The following TCFL5 variants were observed in gnomAD, a reference collection of about 807,000 sequenced individuals.
TCFL5 encodes transcription factor like 5.
Under a neutral mutation model 44.3 loss-of-function variants are expected in TCFL5, and 9 were observed. The observed-to-expected ratio is 0.20, with a 90% CI of 0.12 to 0.35. The LOEUF (loss-of-function observed/expected upper bound fraction) is 0.35. Ranked by LOEUF, TCFL5 falls within the 10% of genes least tolerant of loss-of-function variation. The pLI, the probability that TCFL5 is intolerant of heterozygous loss-of-function variation, is 1.00. For synonymous variants in TCFL5, 319 were observed against 271.6 expected (o/e 1.17, Z -1.72); for missense variants, 603 against 613.4 (o/e 0.98, Z 0.18).
intron 4 of TCFL5, among the ~76,000 whole-genome samples, chr20:62,856,171 A>AC (rs1452691024): frequency 6.8e-6 from 1 of 148,136 alleles, no homozygotes; most frequent in African/African-American, 2.5e-5. Context: ...ACTCGCTTGA[A>AC]CCTGGGAGGC....
intron 5 of TCFL5, among the ~76,000 whole-genome samples, chr20:62,844,579 T>TTG: frequency 8.0e-6 from 1 of 125,042 alleles, no homozygotes; most frequent in African/African-American, 4.0e-5. Flanking sequence ...TTGTTTGTTT[T>TTG]TTGTTTTTTT....
Position 62,841,586 on chromosome 20 carries a change from T to A in TCFL5, c.*389A>T, listed in dbSNP as rs12625609. On this transcript the variant is annotated 3_prime_UTR_variant, in exon 6 of 6. Transcript: ENST00000335351. ...ACTTGTTCCAATTGCTAAAGGGGCA[T>A]ATTTAAAAGGTAAATAAGTAAAAAG... The A allele has an allele frequency of 0.11, 17,871 of 158,368 alleles. 1,233 individuals carry two copies. Among genetic ancestry groups the A allele is most frequent in the African/African-American group, 0.2 (8,134 of 41,588 alleles). 9.8% of individuals were successfully genotyped at this position (158,368 alleles called of 1,614,324 possible). A position where few individuals can be genotyped will look rare whatever the true frequency, so the allele number is the denominator to read the frequency against.
intron 3 of TCFL5, among the ~76,000 whole-genome samples, chr20:62,857,949 C>G (rs2063920388): frequency 6.7e-6 from 1 of 149,712 alleles, no homozygotes; most frequent in Admixed American, 6.7e-5. Context: ...TCTATGAATA[C>G]AGAAAACAAG....
At position 62,842,711 on chromosome 20, in the gene TCFL5, C is replaced by T. The variant is rs1243346383; in HGVS notation, c.1381-614G>A. On this transcript the variant is annotated intron_variant, in intron 5 of 5. Transcript: ENST00000335351. The surrounding 1 kb of genome is among the most constrained non-coding windows in gnomAD (Gnocchi z 4.3). ...CTGGGAGGTGGAGGTTGCAGTGAGC[C>T]GAGATCATGCCATTGCACTCCAGTC... 2.0e-5 allele frequency among the ~76,000 whole-genome samples: 3 copies of T among 152,112 alleles called. No individual in the cohort carries two copies. Among genetic ancestry groups the T allele is most frequent in the African/African-American group, 4.8e-5 (2 of 41,428 alleles).
Position 62,842,140 on chromosome 20 carries a change from A to G in TCFL5, c.1381-43T>C, listed in dbSNP as rs775858614. On this transcript the variant is annotated intron_variant, in intron 5 of 5. Coordinates refer to ENST00000335351, the MANE Select transcript of TCFL5 (RefSeq NM_006602.4). The surrounding 1 kb of genome is among the most constrained non-coding windows in gnomAD (Gnocchi z 4.3). ...CGGTTAACATACTGAATTAACTGAC[A>G]TGAAAACTGCTGTCTTCCAAAGTGC... 1.4e-5 allele frequency: 23 copies of G among 1,611,210 alleles called. No homozygotes were observed. In the Admixed American group the frequency reaches 2.5e-4, roughly 18 times the overall value.
At chr20:62,857,684 C>T in intron 3 of TCFL5, 46 bp from the exon 4 acceptor site, 1 of 1,594,782 alleles carries the variant, frequency 6.3e-7, no homozygotes, top group Non-Finnish European at 8.5e-7. Context: ...GTATTCTTAT[C>T]TCAATTAATG....
chr20:62,843,427 C>T (rs555505835), intron 5 of TCFL5, among the ~76,000 whole-genome samples: 48 of 151,904 alleles, frequency 3.2e-4, no homozygotes, highest in Non-Finnish European at 5.2e-4. Context: ...TAAAATAATT[C>T]AGCGGGGGTG....
chr20:62,858,067 TAAGAAC>T (rs2063922648), intron 3 of TCFL5, among the ~76,000 whole-genome samples: 1 of 152,130 alleles, frequency 6.6e-6, no homozygotes, highest in Non-Finnish European at 1.5e-5. Context: ...ACAATTATTC[TAAGAAC>T]AAGAAAAAAA....
chr20:62,845,583 G>A (rs1351512022), intron 5 of TCFL5: 2 of 1,532,288 alleles, frequency 1.3e-6, no homozygotes, highest in Non-Finnish European at 1.8e-6. Context: ...GTCAGAGCCT[G>A]GGCCGGCTCC....
At position 62,841,551 on chromosome 20, in the gene TCFL5, TAAC is replaced by T. The variant is rs1276300102; in HGVS notation, c.*421_*423del. ...ATAAAATTTCCAAACTGTTTTTAGT[TAAC>T]AATTTAACTTGTTCCAATTGCTAAA... On this transcript the variant is annotated 3_prime_UTR_variant, in exon 6 of 6. Transcript: ENST00000335351. 1 of 155,618 alleles carries T rather than the reference TAAC, an allele frequency of 6.4e-6. No homozygotes were observed. Among genetic ancestry groups the T allele is most frequent in the Non-Finnish European group, 1.4e-5 (1 of 70,304 alleles). 9.6% of individuals were successfully genotyped at this position (155,618 alleles called of 1,614,324 possible). A position where few individuals can be genotyped will look rare whatever the true frequency, so the allele number is the denominator to read the frequency against.
rs1043309631 is a variant in TCFL5, at chr20:62,857,739, T to G, written c.995-101A>C. 8 of 1,406,450 alleles carry G rather than the reference T, an allele frequency of 5.7e-6. No homozygotes were observed. In the African/African-American group the frequency reaches 1.1e-4, roughly 20 times the overall value. The allele number at this position is 1,406,450 out of a possible 1,614,324, so 87.1% of individuals were successfully genotyped here. On this transcript the variant is annotated intron_variant, in intron 3 of 5. Transcript: ENST00000335351. ...TTTCAATCCAAGATATAAACATTATTGGGTAAGCAGCACAGAGAACCGAAA... is the reference window on the plus strand; with the variant it reads ...TTTCAATCCAAGATATAAACATTATGGGGTAAGCAGCACAGAGAACCGAAA...
chr20:62,857,627 A>G lies in TCFL5; in HGVS notation c.1006T>C (p.Cys336Arg). 6.2e-7 allele frequency: 1 copy of G among 1,613,918 alleles called. No homozygotes were observed. Among genetic ancestry groups the G allele is most frequent in the Non-Finnish European group, 8.5e-7 (1 of 1,179,824 alleles). Reference protein sequence around the residue: ...VWIKVGEAALCKQALKRNRSR... With the variant: ...VWIKVGEAALRKQALKRNRSR... ...CGATTCCTCTTCAGTGCTTGTTTGC[A>G]TAGCGCTGCTTCTTTGCGAAAGAAG... The change falls in exon 4 of 6, where the codon TGC becomes CGC. Residue 336 changes from cysteine (C) to arginine (R), a missense_variant. Cys to Arg is a radical substitution (Grantham distance 180, BLOSUM62 -3). Around this residue, in one of 4 missense-constraint regions of TCFL5, gnomAD observed 540 missense variants for 478.7 expected, o/e 1.13. Coordinates refer to ENST00000335351, the MANE Select transcript of TCFL5 (RefSeq NM_006602.4).
rs970516502 is a variant in TCFL5, at chr20:62,861,655, G to C, written c.16C>G (p.Pro6Ala). ...CCTGCCTCCGGCGGCGGCTCCCGCG[G>C]TCCGGGGCCCGACATGGCGGCGCGG... is the stretch of plus-strand genomic sequence containing the variant. MSGPG[P>A]REPPPEAGAA... Residue 6 changes from proline to alanine, a missense_variant, in exon 1 of 6, where the codon CCG becomes GCG. This residue lies in a region of TCFL5 where 540 missense variants were observed against 478.7 expected (regional missense o/e 1.13). Transcript: ENST00000335351. The surrounding 1 kb of genome is among the most constrained non-coding windows in gnomAD (Gnocchi z 4.0). 1 of 902,550 alleles carries C rather than the reference G, an allele frequency of 1.1e-6. No homozygotes were observed. The highest frequency in any genetic ancestry group is 1.3e-6 in the Non-Finnish European group (1 of 755,908). The allele number at this position is 902,550 out of a possible 1,614,324, so 55.9% of individuals were successfully genotyped here.
intron 1 of TCFL5, among the ~76,000 whole-genome samples, chr20:62,860,805 G>A (rs530454806): frequency 6.6e-6 from 1 of 152,248 alleles, no homozygotes; most frequent in African/African-American, 2.4e-5. Flanking sequence ...CACTGAGGGA[G>A]GGGGTGTTTA....
Position 62,861,598 on chromosome 20 carries a change from C to A in TCFL5, c.73G>T (p.Ala25Ser). Residue 25 changes from alanine (A) to serine (S), a missense_variant, in exon 1 of 6, where the codon GCG (alanine) becomes TCG (serine). Transcript: ENST00000335351. This position sits in a 1 kb window ranked among gnomAD's most constrained non-coding sequence, Gnocchi z 4.0. ...AAGGEAAVEG[A>S]GGGDAALGEP... ...CCCAGCGCCGCGTCCCCGCCGCCCG[C>A]GCCCTCGACGGCCGCCTCGCCGCCT... 9.6e-7 allele frequency: 1 copy of A among 1,036,824 alleles called. No homozygotes were observed. The highest frequency in any genetic ancestry group is 1.2e-6 in the Non-Finnish European group (1 of 863,658). 64.2% of individuals were successfully genotyped at this position (1,036,824 alleles called of 1,614,324 possible). A position where few individuals can be genotyped will look rare whatever the true frequency, so the allele number is the denominator to read the frequency against.
rs529171711 is a variant in TCFL5, at chr20:62,843,364, GCCT to G, written c.1381-1270_1381-1268del. 1.2e-3 allele frequency among the ~76,000 whole-genome samples: 183 copies of G among 152,138 alleles called. 1 individual carries two copies. Among genetic ancestry groups the G allele is most frequent in the African/African-American group, 4.2e-3 (173 of 41,498 alleles). On this transcript the variant is annotated intron_variant, in intron 5 of 5. Transcript: ENST00000335351. ...ATAATGCGGTTGTGTTTTTAAACAG[GCCT>G]TTTCTTTCGGAAGATATATTTATGA...
intron 5 of TCFL5, among the ~76,000 whole-genome samples, chr20:62,849,761 C>G (rs961747053): frequency 2.0e-5 from 3 of 152,070 alleles, no homozygotes; most frequent in Non-Finnish European, 4.4e-5. Flanking sequence ...AAGTATGAGA[C>G]CAGCCTGTGA....
Position 62,861,698 on chromosome 20 carries a change from G to A in TCFL5, c.-28C>T. ...CGGCGCGGCGCGGCCCAACGGCGGCGAGGGCGACGCGGGCGGCGGGCGGCG... is the reference window on the plus strand; with the variant it reads ...CGGCGCGGCGCGGCCCAACGGCGGCAAGGGCGACGCGGGCGGCGGGCGGCG... On this transcript the variant is annotated 5_prime_UTR_variant, in exon 1 of 6. Coordinates refer to ENST00000335351, the MANE Select transcript of TCFL5 (RefSeq NM_006602.4). This position sits in a 1 kb window ranked among gnomAD's most constrained non-coding sequence, Gnocchi z 4.0. The A allele has an allele frequency of 5.2e-6, 1 of 190,504 alleles. No individual in the cohort carries two copies. The highest frequency in any genetic ancestry group is 9.4e-6 in the Non-Finnish European group (1 of 106,792). The allele number at this position is 190,504 out of a possible 1,614,324, so 11.8% of individuals were successfully genotyped here.
At chr20:62,858,336 G>A (rs1324012222) in intron 3 of TCFL5, among the ~76,000 whole-genome samples, 1 of 152,234 alleles carries the variant, frequency 6.6e-6, no homozygotes, top group East Asian at 1.9e-4. Context: ...ACCCATTTCA[G>A]AAGGATGATG....
Sources: gnomAD v4.1 joint callset for allele counts (sites outside exome capture counted in the v4.1 genomes callset) on GRCh38, gnomAD v4.1.1 for gene constraint, gnomAD v4.1.1 regional missense constraint, Gnocchi (gnomAD v3.1) non-coding constraint, MANE v1.5 for transcripts, NCBI Gene and HGNC (gene_info 2026-07-23, HGNC 2026-07-21) for gene names.